ITCH: variants seen among roughly 807,000 people sequenced by gnomAD.
ITCH encodes E3 ubiquitin-protein ligase Itchy homolog.
A neutral mutation model predicts 126.8 loss-of-function variants in ITCH; 28 were observed. The ratio of observed to expected loss-of-function variants is 0.22; its 90% CI spans 0.16 to 0.30. The LOEUF is 0.30. Among genes scored for constraint, ITCH ranks in the 10% least tolerant of loss-of-function variants. ITCH has a pLI of 1.00. For synonymous variants in ITCH, 342 were observed against 340.0 expected (o/e 1.01, Z -0.06); for missense variants, 631 against 1,032.4 (o/e 0.61, Z 5.33).
chr20:34,377,037 C>T (rs2037873395), intron 2 of ITCH, among the ~76,000 whole-genome samples: 1 of 152,114 alleles, frequency 6.6e-6, no homozygotes, highest in Admixed American at 6.6e-5. Flanking sequence ...TGATGGATTA[C>T]ATACGTTTTC....
At chr20:34,422,571 AT>A (rs11479074) in intron 6 of ITCH, among the ~76,000 whole-genome samples, 81,569 of 150,586 alleles carry the variant, frequency 0.54, 22,369 homozygotes, top group Admixed American at 0.63. Flanking sequence ...TCATTGTACC[AT>A]TTTTTTTTTA....
intron 23 of ITCH, among the ~76,000 whole-genome samples, chr20:34,494,841 C>A (rs1307317087): frequency 6.6e-6 from 1 of 151,988 alleles, no homozygotes; most frequent in Non-Finnish European, 1.5e-5. Context: ...TGCCTGTAGT[C>A]CCTGCTATTC....
intron 1 of ITCH, among the ~76,000 whole-genome samples, chr20:34,367,589 C>T (rs955139144): frequency 6.6e-6 from 1 of 152,178 alleles, no homozygotes; most frequent in Non-Finnish European, 1.5e-5. Context: ...GTTGTAGGTG[C>T]TCTGAGAAAT....
intron 7 of ITCH, among the ~76,000 whole-genome samples, chr20:34,434,383 A>G (rs1982736326): frequency 6.6e-6 from 1 of 152,250 alleles, no homozygotes; most frequent in South Asian, 2.1e-4. Context: ...GGGAATGGGA[A>G]GACAGCTTGA....
rs1194731873 is a variant in ITCH at position 34,438,457 on chromosome 20, C to T, written c.522-17C>T. ...TTATTTCCCTCTCCCCCTTCCTTTTCCCCTCTTCTTACCCAGAGTGAGCAC... is the reference window on the plus strand; with the variant it reads ...TTATTTCCCTCTCCCCCTTCCTTTTTCCCTCTTCTTACCCAGAGTGAGCAC... On this transcript the variant is annotated splice_polypyrimidine_tract_variant and intron_variant, in intron 7 of 24. Coordinates refer to ENST00000374864, the MANE Select transcript of ITCH (RefSeq NM_031483.7). 1.9e-5 allele frequency: 30 copies of T among 1,613,528 alleles called. No homozygotes were observed. The highest frequency in any genetic ancestry group is 2.5e-5 in the Non-Finnish European group (30 of 1,179,518).
At chr20:34,431,577 C>T (rs1050785090) in intron 7 of ITCH, among the ~76,000 whole-genome samples, 6 of 151,816 alleles carry the variant, frequency 4.0e-5, no homozygotes, top group African/African-American at 1.5e-4. Context: ...ATTTGAGATC[C>T]TAGGGAAAAA....
intron 23 of ITCH, among the ~76,000 whole-genome samples, chr20:34,499,044 G>A (rs569139449): frequency 2.0e-5 from 3 of 148,660 alleles, no homozygotes; most frequent in African/African-American, 5.0e-5. Flanking sequence ...GCACGATCTC[G>A]GCTCACTGCA....
At chr20:34,455,355 C>A (rs997982803) in intron 12 of ITCH, among the ~76,000 whole-genome samples, 1 of 152,130 alleles carries the variant, frequency 6.6e-6, no homozygotes. Context: ...CAGCAGGAAT[C>A]CCATCTTTTG....
chr20:34,401,741 A>G lies in ITCH; in HGVS notation c.71-6910A>G, dbSNP rs896774154. 5.3e-6 allele frequency: 3 copies of G among 563,914 alleles called. No individual in the cohort carries two copies. The African/African-American group carries it at 6.2e-5, about 12-fold the overall frequency. The allele number at this position is 563,914 out of a possible 1,614,324, so 34.9% of individuals were successfully genotyped here. On this transcript the variant is annotated intron_variant, in intron 3 of 24. Transcript: ENST00000374864. ...AAAAAAAAAAAAGACTGAAAAACAA[A>G]CCTCCCCCCTAAAAAAGAGGAGGGG...
At chr20:34,475,115 G>A (rs559104366) in intron 16 of ITCH, among the ~76,000 whole-genome samples, 10 of 148,684 alleles carry the variant, frequency 6.7e-5, no homozygotes, top group African/African-American at 1.8e-4. Flanking sequence ...GGGAAGAGGC[G>A]CTCCTCACTC....
chr20:34,408,802 G>T lies in ITCH; in HGVS notation c.212+10G>T. 6.2e-7 allele frequency: 1 copy of T among 1,613,308 alleles called. No homozygotes were observed. Among genetic ancestry groups the T allele is most frequent in the South Asian group, 1.1e-5 (1 of 90,918 alleles). On this transcript the variant is annotated intron_variant, in intron 4 of 24. Coordinates refer to ENST00000374864, the MANE Select transcript of ITCH (RefSeq NM_031483.7). ...AGCAACCCCTTACAGTGTAAGCTTG[G>T]AAGTATTTTTCTGTAGTATGTTTTG...
chr20:34,379,243 GAT>G (rs1247133987), intron 2 of ITCH, among the ~76,000 whole-genome samples: 1 of 152,000 alleles, frequency 6.6e-6, no homozygotes, highest in African/African-American at 2.4e-5. Flanking sequence ...CTGGCTGGTT[GAT>G]TTTATATAGA....
chr20:34,507,518 A>C lies in ITCH; in HGVS notation c.2490-177A>C, dbSNP rs565119199. The stretch of plus-strand genomic sequence containing the variant: ...TTTGGATACCAGTCCTTTATCAGAT[A>C]TATGATTTACAAATATTTTTTCCCA... On this transcript the variant is annotated intron_variant, in intron 24 of 24. Coordinates refer to ENST00000374864, the MANE Select transcript of ITCH (RefSeq NM_031483.7). Among the ~76,000 whole-genome samples the C allele has an allele frequency of 4.6e-5, 7 of 151,948 alleles. No homozygotes were observed. In the South Asian group the frequency reaches 1.2e-3, roughly 27 times the overall value.
chr20:34,480,992 G>T, intron 19 of ITCH, 74 bp from the exon 20 acceptor site: 1 of 1,408,894 alleles, frequency 7.1e-7, no homozygotes, highest in Admixed American at 1.7e-5. Context: ...AAGAACATGG[G>T]CCTTTCGTTA....
rs1988542186 is a variant in ITCH, at chr20:34,479,571, T to G, written c.1659-59T>G. On this transcript the variant is annotated intron_variant, in intron 17 of 24. Transcript: ENST00000374864. Reference sequence around the variant, plus strand: ...GATCCCTGAGAACTTTATAGCACTGTTCTTTGATTTCTTGGTAACCTACAA... The same window carrying G: ...GATCCCTGAGAACTTTATAGCACTGGTCTTTGATTTCTTGGTAACCTACAA... The G allele has an allele frequency of 1.1e-5, 16 of 1,449,868 alleles. No individual in the cohort carries two copies. In the Middle Eastern group the frequency reaches 5.2e-4, roughly 47 times the overall value. The allele number at this position is 1,449,868 out of a possible 1,614,324, so 89.8% of individuals were successfully genotyped here. A position where few individuals can be genotyped will look rare whatever the true frequency, so the allele number is the denominator to read the frequency against.
intron 11 of ITCH, among the ~76,000 whole-genome samples, chr20:34,446,571 C>G (rs1303757318): frequency 6.6e-6 from 1 of 152,138 alleles, no homozygotes; most frequent in East Asian, 1.9e-4. Flanking sequence ...CTATATTTCC[C>G]CTCCCAGTGG....
At chr20:34,446,351 C>T (rs912014363) in intron 11 of ITCH, among the ~76,000 whole-genome samples, 4 of 152,134 alleles carry the variant, frequency 2.6e-5, no homozygotes, top group Admixed American at 1.3e-4. Context: ...TAAAACAGCA[C>T]CTTTCGTATT....
chr20:34,437,075 G>C (rs1180855771), intron 7 of ITCH, among the ~76,000 whole-genome samples: 2 of 150,616 alleles, frequency 1.3e-5, no homozygotes, highest in African/African-American at 2.4e-5. Flanking sequence ...GTTGCAGTGA[G>C]CCGAGATCAC....
At chr20:34,399,464 C>T (rs2038793694) in intron 3 of ITCH, among the ~76,000 whole-genome samples, 2 of 151,890 alleles carry the variant, frequency 1.3e-5, no homozygotes, top group African/African-American at 4.8e-5. Flanking sequence ...GATAACTGGT[C>T]AGGAAAAAGA....
Sources: gnomAD v4.1 joint callset for allele counts (sites outside exome capture counted in the v4.1 genomes callset) on GRCh38, gnomAD v4.1.1 for gene constraint, MANE v1.5 for transcripts, NCBI Gene and HGNC (gene_info 2026-07-23, HGNC 2026-07-21) for gene names.